Variants in MTMR8 observed in about 807,000 individuals in gnomAD.
MTMR8 encodes phosphatidylinositol-3,5-bisphosphate 3-phosphatase MTMR8.
MTMR8 carries 65 observed loss-of-function variants against 39.3 expected under a neutral mutation model. The observed-to-expected ratio is 1.65, with a 90% CI of 1.35 to 2.03. MTMR8 has a LOEUF of 2.03. Among genes scored for constraint, MTMR8 ranks in the 30% most tolerant of loss-of-function variants. The probability of loss-of-function intolerance (pLI) is 0.00; values close to 1 mark genes in which losing one functional copy is unlikely to be tolerated. For synonymous variants in MTMR8, 245 were observed against 185.2 expected (o/e 1.32, Z -2.62); for missense variants, 777 against 538.9 (o/e 1.44, Z -4.37).
chrX:64,297,445 A>C (rs757382621), intron 12 of MTMR8, among the ~76,000 whole-genome samples: 8 of 90,090 alleles, frequency 8.9e-5, no homozygotes, highest in Admixed American at 2.6e-4. Flanking sequence ...TTTTTCTTGT[A>C]AATTTGTTTG....
intron 1 of MTMR8, among the ~76,000 whole-genome samples, chrX:64,391,559 GA>G (rs1009851028): frequency 9.0e-6 from 1 of 111,731 alleles, no homozygotes; most frequent in Non-Finnish European, 1.9e-5. Flanking sequence ...AGAGATCCCA[GA>G]GGGCAGTTGC....
At chrX:64,387,133 T>G (rs1401687214) in intron 1 of MTMR8, among the ~76,000 whole-genome samples, 2 of 111,432 alleles carry the variant, frequency 1.8e-5, no homozygotes, top group Non-Finnish European at 3.8e-5. Context: ...AACATCAGTG[T>G]CAATTGCACA....
intron 12 of MTMR8, among the ~76,000 whole-genome samples, chrX:64,316,241 A>G (rs1180800701): frequency 1.8e-5 from 2 of 111,802 alleles, no homozygotes; most frequent in Admixed American, 1.9e-4. Context: ...TTCTTTTATC[A>G]TTGCCATTCT....
rs769005195 is a variant in MTMR8 at position 64,268,802 on chromosome X, C to T, written c.1850G>A (p.Gly617Asp). 2 of 1,211,610 alleles carry T rather than the reference C, an allele frequency of 1.7e-6. No individual in the cohort carries two copies. Among genetic ancestry groups the T allele is most frequent in the South Asian group, 3.5e-5 (2 of 56,959 alleles). The change falls in exon 14 of 14, where the codon GGC (glycine) becomes GAC (aspartate). Residue 617 changes from glycine to aspartate, a missense_variant. Gly to Asp is a moderately conservative substitution (Grantham distance 94, BLOSUM62 -1). Coordinates refer to ENST00000374852, the MANE Select transcript of MTMR8 (RefSeq NM_017677.4). ...DLHHNCCEIV[G>D]SLRAINISGD... ...AGAGATATTTATGGCCCTAAGGCTG[C>T]CCACAATCTCACAACAGTTATGGTG...
intron 1 of MTMR8, among the ~76,000 whole-genome samples, chrX:64,365,719 C>A (rs1244878789): frequency 1.8e-5 from 2 of 111,440 alleles, no homozygotes; most frequent in African/African-American, 3.3e-5. Flanking sequence ...GCAAAATGAC[C>A]AGCTAACATC....
chrX:64,347,072 C>T (rs1349423305), intron 6 of MTMR8, among the ~76,000 whole-genome samples: 2 of 110,927 alleles, frequency 1.8e-5, no homozygotes, highest in African/African-American at 3.3e-5. Flanking sequence ...TGGATAAAGG[C>T]TGAAAGCAGG....
intron 6 of MTMR8, among the ~76,000 whole-genome samples, chrX:64,345,964 G>T (rs1299311018): frequency 8.9e-6 from 1 of 111,753 alleles, no homozygotes; most frequent in African/African-American, 3.3e-5. Context: ...GTGACTGCAT[G>T]AGATAAATGA....
At chrX:64,371,410 G>A (rs1237218687) in intron 1 of MTMR8, among the ~76,000 whole-genome samples, 1 of 111,741 alleles carries the variant, frequency 8.9e-6, no homozygotes, top group Non-Finnish European at 1.9e-5. Flanking sequence ...TCAAATACTA[G>A]CATGGTTGTG....
At chrX:64,328,643 G>A in intron 12 of MTMR8, 129 bp downstream of exon 12, 2 of 586,276 alleles carry the variant, frequency 3.4e-6, no homozygotes, top group Non-Finnish European at 4.7e-6. Context: ...ATGTATGGGT[G>A]ATATGAGGAC....
chrX:64,292,710 G>T (rs759713343), intron 12 of MTMR8, among the ~76,000 whole-genome samples: 3 of 110,943 alleles, frequency 2.7e-5, no homozygotes. Flanking sequence ...CAGTCTCTCC[G>T]TAAGGACCTG....
At chrX:64,326,017 CATTG>C (rs1458450966) in intron 12 of MTMR8, among the ~76,000 whole-genome samples, 1 of 111,737 alleles carries the variant, frequency 8.9e-6, no homozygotes, top group East Asian at 2.8e-4. Context: ...TAACATAAAT[CATTG>C]ATTAACACCT....
At chrX:64,366,800 A>C (rs1923975361) in intron 1 of MTMR8, among the ~76,000 whole-genome samples, 1 of 112,007 alleles carries the variant, frequency 8.9e-6, no homozygotes, top group African/African-American at 3.2e-5. Flanking sequence ...ACTTCAAAAA[A>C]ATCAATGAAT....
intron 4 of MTMR8, among the ~76,000 whole-genome samples, chrX:64,351,611 T>C (rs1923488969): frequency 9.0e-6 from 1 of 111,180 alleles, no homozygotes; most frequent in Non-Finnish European, 1.9e-5. Context: ...AGAAAGCCAG[T>C]AGTGGATCAT....
At chrX:64,293,385 G>A (rs1216304951) in intron 12 of MTMR8, among the ~76,000 whole-genome samples, 2 of 111,408 alleles carry the variant, frequency 1.8e-5, no homozygotes, top group African/African-American at 6.5e-5. Flanking sequence ...CGTAGAGCCA[G>A]GTCCGTGGTT....
At chrX:64,366,782 C>CA (rs901278800) in intron 1 of MTMR8, among the ~76,000 whole-genome samples, 30 of 110,157 alleles carry the variant, frequency 2.7e-4, no homozygotes, top group African/African-American at 6.6e-4. Context: ...GAGATAGAGA[C>CA]AAAAAAAACT....
At chrX:64,335,954 G>T in intron 10 of MTMR8, 125 bp downstream of exon 10, 1 of 463,201 alleles carries the variant, frequency 2.2e-6, no homozygotes, top group Non-Finnish European at 3.5e-6. Flanking sequence ...GTTTCTTGAT[G>T]AAAAGAGATT....
At chrX:64,339,265 C>T (rs1047538091) in intron 8 of MTMR8, among the ~76,000 whole-genome samples, 1 of 110,977 alleles carries the variant, frequency 9.0e-6, no homozygotes, top group African/African-American at 3.3e-5. Context: ...TAGGAGTCAG[C>T]CTGTTCAAAA....
intron 9 of MTMR8, 67 bp from the exon 10 acceptor site, chrX:64,336,195 A>G (rs773167932): frequency 2.5e-6 from 2 of 793,293 alleles, no homozygotes; most frequent in African/African-American, 4.2e-5. Context: ...CATACACACA[A>G]GAATGTCAAA....
intron 12 of MTMR8, among the ~76,000 whole-genome samples, chrX:64,292,253 C>T (rs1921423336): frequency 8.9e-6 from 1 of 111,881 alleles, no homozygotes; most frequent in Non-Finnish European, 1.9e-5. Context: ...TTTAGATACT[C>T]TCATTCTAGT....
Sources: allele counts gnomAD v4.1 joint callset (sites outside exome capture counted in the v4.1 genomes callset), GRCh38; gene constraint gnomAD v4.1.1; transcripts MANE v1.5; gene names NCBI Gene and HGNC (gene_info 2026-07-23, HGNC 2026-07-21).